Variants in SGCZ observed in about 807,000 individuals in gnomAD.
SGCZ encodes zeta-sarcoglycan.
A neutral mutation model predicts 41.3 loss-of-function variants in SGCZ; 40 were observed. The ratio of observed to expected loss-of-function variants is 0.97; its 90% CI spans 0.75 to 1.26. The LOEUF (loss-of-function observed/expected upper bound fraction) is 1.26, where lower values mean the gene tolerates loss of function less well. Among genes scored for constraint, SGCZ ranks in the 50% most tolerant of loss-of-function variants. The probability of loss-of-function intolerance (pLI) is 0.00; values close to 1 mark genes in which losing one functional copy is unlikely to be tolerated. For synonymous variants in SGCZ, 206 were observed against 137.5 expected, an observed-to-expected ratio of 1.50 and a Z score of -3.49; for missense variants, 552 against 369.8, an observed-to-expected ratio of 1.49 and a Z score of -4.04.
chr8:15,043,400 G>C (rs1338031749), intron 1 of SGCZ, among the ~76,000 whole-genome samples: 1 of 151,696 alleles, frequency 6.6e-6, no homozygotes, highest in Non-Finnish European at 1.5e-5. Context: ...AATCTATGCT[G>C]GTCCATTTTA....
In SGCZ at chr8:14,465,534, G is replaced by A. The variant is rs147348805; in HGVS notation, c.234+89198C>T. On this transcript the variant is annotated intron_variant, in intron 2 of 7. Transcript: ENST00000382080. ...AAGAAAGGATTAATTTCTAACTTCT[G>A]TGATTTTCTTTTCTATATGCCTTGT... Among the ~76,000 whole-genome samples, 662 of 151,718 alleles carry A rather than the reference G, an allele frequency of 4.4e-3. 7 individuals are homozygous for A. Among genetic ancestry groups the A allele is most frequent in the African/African-American group, 0.015 (608 of 41,474 alleles).
chr8:15,201,222 G>T (rs1416285329), intron 1 of SGCZ, among the ~76,000 whole-genome samples: 1 of 152,100 alleles, frequency 6.6e-6, no homozygotes, highest in Non-Finnish European at 1.5e-5. Context: ...TCACCATGTT[G>T]GCCGGGCTGG....
intron 1 of SGCZ, among the ~76,000 whole-genome samples, chr8:15,015,293 G>C (rs1802983633): frequency 1.3e-5 from 2 of 151,880 alleles, no homozygotes; most frequent in African/African-American, 4.8e-5. Context: ...TTTATAATTA[G>C]ACTTAGAAAT....
chr8:14,549,519 C>T (rs1357014275), intron 2 of SGCZ, among the ~76,000 whole-genome samples: 2 of 151,946 alleles, frequency 1.3e-5, no homozygotes, highest in African/African-American at 4.8e-5. Context: ...ACTTTTAAAA[C>T]TTAAAAAAAG....
chr8:15,132,192 C>T (rs1025350329), intron 1 of SGCZ, among the ~76,000 whole-genome samples: 13 of 152,142 alleles, frequency 8.5e-5, no homozygotes, highest in East Asian at 3.9e-4. Flanking sequence ...GCAAGAACCA[C>T]ACACAATGGA....
chr8:14,607,370 T>C (rs573797425), intron 1 of SGCZ, among the ~76,000 whole-genome samples: 1 of 152,314 alleles, frequency 6.6e-6, no homozygotes, highest in Non-Finnish European at 1.5e-5. Flanking sequence ...ATATAACTTT[T>C]ATGAATCTCT....
intron 1 of SGCZ, among the ~76,000 whole-genome samples, chr8:15,144,760 A>G (rs1473076184): frequency 6.6e-6 from 1 of 152,330 alleles, no homozygotes; most frequent in East Asian, 1.9e-4. Flanking sequence ...CCCAGCCAAC[A>G]TTCACCTTTT....
Position 14,992,819 on chromosome 8 carries a change from C to G in SGCZ, c.39+244766G>C, listed in dbSNP as rs530126245. On this transcript the variant is annotated intron_variant, in intron 1 of 7. Coordinates refer to ENST00000382080, the MANE Select transcript of SGCZ (RefSeq NM_139167.4). ...ACTAGTGTTACCCTTGATATTTACCCCTCCCCCATCCTCCTCATTCAATCT... is the reference window on the plus strand; with the variant it reads ...ACTAGTGTTACCCTTGATATTTACCGCTCCCCCATCCTCCTCATTCAATCT... 4.2e-3 allele frequency among the ~76,000 whole-genome samples: 557 copies of G among 133,176 alleles called. 2 individuals are homozygous for G. The highest frequency in any genetic ancestry group is 9.6e-3 in the Middle Eastern group (2 of 208). The allele number at this position is 133,176 out of a possible 152,430, so 87.4% of individuals were successfully genotyped here. A position where few individuals can be genotyped will look rare whatever the true frequency, so the allele number is the denominator to read the frequency against.
intron 5 of SGCZ, among the ~76,000 whole-genome samples, chr8:14,128,777 C>A (rs1802944198): frequency 6.6e-6 from 1 of 151,928 alleles, no homozygotes; most frequent in Non-Finnish European, 1.5e-5. Context: ...AGAATAAAAT[C>A]ATGTATTTTG....
chr8:15,117,232 G>T (rs760733109), intron 1 of SGCZ, among the ~76,000 whole-genome samples: 1 of 151,988 alleles, frequency 6.6e-6, no homozygotes, highest in Non-Finnish European at 1.5e-5. Flanking sequence ...GGTAGCAGGC[G>T]CCTGTAGTCC....
Position 14,808,216 on chromosome 8 carries a change from A to T in SGCZ, c.40-253290T>A, listed in dbSNP as rs184970084. 1.1e-3 allele frequency among the ~76,000 whole-genome samples: 161 copies of T among 152,238 alleles called. 1 individual carries two copies. Among genetic ancestry groups the T allele is most frequent in the African/African-American group, 3.7e-3 (154 of 41,550 alleles). ...ACACCAAAAGCAATGGCAACAAAAG[A>T]CAAAATTGACAAATGGGATCTAAGT... On this transcript the variant is annotated intron_variant, in intron 1 of 7. Coordinates refer to ENST00000382080, the MANE Select transcript of SGCZ (RefSeq NM_139167.4).
chr8:14,679,881 A>AT (rs572282845), intron 1 of SGCZ, among the ~76,000 whole-genome samples: 2,527 of 151,694 alleles, frequency 0.017, 42 homozygotes, highest in South Asian at 0.084. Context: ...GATACTATAT[A>AT]TTTTTTATTT....
intron 1 of SGCZ, among the ~76,000 whole-genome samples, chr8:14,632,146 A>C (rs534286349): frequency 6.6e-6 from 1 of 152,020 alleles, no homozygotes; most frequent in African/African-American, 2.4e-5. Flanking sequence ...AGCCACCTGA[A>C]TAGCTGGGAC....
intron 1 of SGCZ, among the ~76,000 whole-genome samples, chr8:14,564,054 G>T (rs1045131170): frequency 6.6e-6 from 1 of 152,042 alleles, no homozygotes; most frequent in Non-Finnish European, 1.5e-5. Context: ...TTTCTGTTTA[G>T]ACCTGTGTTC....
intron 1 of SGCZ, among the ~76,000 whole-genome samples, chr8:14,607,061 A>G (rs1805774040): frequency 6.6e-6 from 1 of 152,168 alleles, no homozygotes; most frequent in Admixed American, 6.5e-5. Flanking sequence ...CTCTGGATTT[A>G]AACAATGGCT....
chr8:14,163,575 C>G (rs1051731531), intron 5 of SGCZ, among the ~76,000 whole-genome samples: 1 of 152,164 alleles, frequency 6.6e-6, no homozygotes, highest in East Asian at 1.9e-4. Flanking sequence ...ACATTCTCAT[C>G]ACACAACTAC....
intron 1 of SGCZ, among the ~76,000 whole-genome samples, chr8:14,834,926 A>G (rs1047487512): frequency 2.0e-5 from 3 of 152,190 alleles, no homozygotes; most frequent in Non-Finnish European, 4.4e-5. Context: ...TTTTAGCAAC[A>G]TCTTCAGAAC....
intron 1 of SGCZ, among the ~76,000 whole-genome samples, chr8:15,204,568 G>A (rs914268349): frequency 6.6e-6 from 1 of 152,078 alleles, no homozygotes; most frequent in Non-Finnish European, 1.5e-5. Context: ...GCTTTCTTGT[G>A]AAGTCTTTCG....
At chr8:14,566,902 G>A (rs537190721) in intron 1 of SGCZ, among the ~76,000 whole-genome samples, 9 of 152,276 alleles carry the variant, frequency 5.9e-5, no homozygotes, top group East Asian at 3.9e-4. Flanking sequence ...CTGTGGGCTC[G>A]GCAGGCCCCA....
Sources: gnomAD v4.1 joint callset for allele counts (sites outside exome capture counted in the v4.1 genomes callset) on GRCh38, gnomAD v4.1.1 for gene constraint, MANE v1.5 for transcripts, NCBI Gene and HGNC (gene_info 2026-07-23, HGNC 2026-07-21) for gene names.